Variants in NALCN observed in about 807,000 individuals in gnomAD.
NALCN encodes sodium leak channel, non-selective, also known as sodium leak channel NALCN.
Under a neutral mutation model 225.3 loss-of-function variants are expected in NALCN, and 111 were observed. That is an observed-to-expected ratio of 0.49 (90% CI 0.42 to 0.58). The LOEUF is 0.58. Ranked by LOEUF, NALCN falls within the 20% of genes least tolerant of loss-of-function variation. The probability of loss-of-function intolerance (pLI) is 0.00; values close to 1 mark genes in which losing one functional copy is unlikely to be tolerated. For synonymous variants in NALCN, 764 were observed against 769.0 expected (o/e 0.99, Z 0.11); for missense variants, 1,378 against 2,202.4 (o/e 0.63, Z 7.49).
intron 9 of NALCN, among the ~76,000 whole-genome samples, chr13:101,286,159 G>T: frequency 6.6e-6 from 1 of 152,198 alleles, no homozygotes; most frequent in Non-Finnish European, 1.5e-5. Flanking sequence ...TGAGACAGAA[G>T]CTGGGCTAGC....
chr13:101,397,161 G>A (rs2047333137), intron 2 of NALCN, among the ~76,000 whole-genome samples: 1 of 134,150 alleles, frequency 7.5e-6, no homozygotes, highest in Admixed American at 7.7e-5. Flanking sequence ...CATGTTATAT[G>A]TATGTATATA....
At chr13:101,108,452 G>A (rs561746349) in intron 20 of NALCN, among the ~76,000 whole-genome samples, 41 of 152,214 alleles carry the variant, frequency 2.7e-4, no homozygotes, top group African/African-American at 9.6e-4. Context: ...TTAGTGATCC[G>A]ATTTTTTAAA....
At position 101,258,455 on chromosome 13, in the gene NALCN, G is replaced by T. The variant is rs1421695866; in HGVS notation, c.1254C>A (p.Phe418Leu). 3 of 1,613,968 alleles carry T rather than the reference G, an allele frequency of 1.9e-6. No individual in the cohort carries two copies. The highest frequency in any genetic ancestry group is 2.7e-5 in the African/African-American group (2 of 74,916). The stretch of plus-strand genomic sequence containing the variant: ...GAGAGCTGCTTACCTCCGCCAGGTA[G>T]AACTCGTCGTACTGCCTCCTGAAGT... Reference protein sequence around the residue: ...GENFRRQYDEFYLAEVAFTVL... With the variant: ...GENFRRQYDELYLAEVAFTVL... The change falls in exon 11 of 44, where the codon TTC (phenylalanine) becomes TTA (leucine). Residue 418 changes from phenylalanine (F) to leucine (L), a missense_variant. Phe to Leu is a conservative substitution (Grantham distance 22). This residue lies in a region of NALCN where 144 missense variants were observed against 187.7 expected (regional missense o/e 0.77). Coordinates refer to ENST00000251127, the MANE Select transcript of NALCN (RefSeq NM_052867.4).
intron 10 of NALCN, among the ~76,000 whole-genome samples, chr13:101,264,014 A>G (rs2042518167): frequency 6.6e-6 from 1 of 152,118 alleles, no homozygotes; most frequent in African/African-American, 2.4e-5. Context: ...TCAATTTTTT[A>G]TTTTCTAATA....
At chr13:101,381,840 T>C (rs187680489) in intron 3 of NALCN, among the ~76,000 whole-genome samples, 28 of 150,432 alleles carry the variant, frequency 1.9e-4, no homozygotes, top group Middle Eastern at 3.4e-3. Flanking sequence ...AAATGTTTTT[T>C]ACTTGTGTGT....
intron 10 of NALCN, among the ~76,000 whole-genome samples, chr13:101,278,839 G>C (rs188299230): frequency 5.1e-4 from 77 of 152,294 alleles, no homozygotes; most frequent in African/African-American, 1.8e-3. Context: ...AGAAATAAGT[G>C]TTCTGTATGG....
intron 27 of NALCN, among the ~76,000 whole-genome samples, chr13:101,098,609 T>C (rs1181570824): frequency 6.6e-6 from 1 of 152,166 alleles, no homozygotes; most frequent in Admixed American, 6.6e-5. Context: ...CTGGAAACTA[T>C]GGGCGCAGCA....
At chr13:101,309,248 A>G (rs2044256454) in intron 7 of NALCN, among the ~76,000 whole-genome samples, 1 of 152,198 alleles carries the variant, frequency 6.6e-6, no homozygotes, top group Non-Finnish European at 1.5e-5. Context: ...ACACAATTCA[A>G]CATTACTAAA....
chr13:101,166,284 T>C (rs1264794570), intron 15 of NALCN, among the ~76,000 whole-genome samples: 2 of 152,236 alleles, frequency 1.3e-5, no homozygotes, highest in Non-Finnish European at 1.5e-5. Flanking sequence ...TTTTATCATA[T>C]GATCATGCTA....
At chr13:101,071,889 C>T (rs1207769510) in intron 37 of NALCN, among the ~76,000 whole-genome samples, 1 of 152,116 alleles carries the variant, frequency 6.6e-6, no homozygotes, top group African/African-American at 2.4e-5. Flanking sequence ...CTTCTATTCA[C>T]TTGAACACTT....
chr13:101,073,851 A>G (rs762182593), intron 36 of NALCN, among the ~76,000 whole-genome samples, 174 bp from the exon 37 acceptor site: 6 of 152,202 alleles, frequency 3.9e-5, no homozygotes, highest in African/African-American at 7.2e-5. Flanking sequence ...GCCTCCAAGT[A>G]TAGCCGTCTG....
intron 3 of NALCN, among the ~76,000 whole-genome samples, chr13:101,383,830 A>C (rs768396735): frequency 4.6e-5 from 7 of 152,248 alleles, no homozygotes; most frequent in Non-Finnish European, 1.0e-4. Flanking sequence ...CATGCCATGC[A>C]AATACAGTTA....
Position 101,192,128 on chromosome 13 carries a change from T to C in NALCN, c.1627-74A>G, listed in dbSNP as rs979680. 322,312 of 1,504,644 alleles carry C rather than the reference T, an allele frequency of 0.21. 37,091 individuals are homozygous for C. Among genetic ancestry groups the C allele is most frequent in the African/African-American group, 0.38 (25,884 of 68,960 alleles). 93.2% of individuals were successfully genotyped at this position (1,504,644 alleles called of 1,614,324 possible). A position where few individuals can be genotyped will look rare whatever the true frequency, so the allele number is the denominator to read the frequency against. ...ACAACTTCAAATTAGCATGTGATGT[T>C]TGAAGACTTTGATCTCAATATTATT... On this transcript the variant is annotated intron_variant, in intron 13 of 43. Coordinates refer to ENST00000251127, the MANE Select transcript of NALCN (RefSeq NM_052867.4).
chr13:101,074,764 T>C, intron 35 of NALCN, 102 bp from the exon 36 acceptor site: 2 of 1,353,772 alleles, frequency 1.5e-6, no homozygotes, highest in South Asian at 3.3e-5. Context: ...TATTAAGCTA[T>C]GGAAGACCTG....
At chr13:101,143,466 A>G (rs1432095538) in intron 16 of NALCN, among the ~76,000 whole-genome samples, 2 of 144,434 alleles carry the variant, frequency 1.4e-5, no homozygotes, top group African/African-American at 5.1e-5. Flanking sequence ...TAGTTTTTTG[A>G]ATCTTTTTTT....
chr13:101,073,630 C>T lies in NALCN; in HGVS notation c.4151G>A (p.Arg1384Gln). The change falls in exon 37 of 44, where the codon CGA becomes CAA. Residue 1384 changes from arginine (R) to glutamine (Q), a missense_variant. This residue lies in a region of NALCN where 76 missense variants were observed against 118.7 expected (regional missense o/e 0.64). Transcript: ENST00000251127. ...SAGKAITVLF[R>Q]IVTGEDWNKI... ...GTTCCAGTCTTCACCTGTGACAATT[C>T]GGAACAGTACGGTAATAGCTTTTCC... The T allele has an allele frequency of 1.2e-6, 2 of 1,613,250 alleles. No individual in the cohort carries two copies. The highest frequency in any genetic ancestry group is 1.7e-6 in the Non-Finnish European group (2 of 1,179,724).
chr13:101,164,496 G>A (rs2038346251), intron 15 of NALCN, among the ~76,000 whole-genome samples: 1 of 152,030 alleles, frequency 6.6e-6, no homozygotes, highest in Non-Finnish European at 1.5e-5. Flanking sequence ...TCACTATATT[G>A]CCCAGGTTGG....
intron 18 of NALCN, among the ~76,000 whole-genome samples, chr13:101,122,157 A>T (rs1045122179): frequency 6.6e-6 from 1 of 152,176 alleles, no homozygotes; most frequent in African/African-American, 2.4e-5. Context: ...TGGTGAAAAG[A>T]TAAGTATTCC....
chr13:101,055,447 G>A lies in NALCN; in HGVS notation c.5065C>T (p.Arg1689Trp), dbSNP rs200731653. The change falls in exon 44 of 44, where the codon CGG becomes TGG. Residue 1689 changes from arginine (R) to tryptophan (W), a missense_variant. Arg to Trp is a moderately radical substitution (Grantham distance 101). Coordinates refer to ENST00000251127, the MANE Select transcript of NALCN (RefSeq NM_052867.4). ...ISHSVSSVNL[R>W]FGGRTTMKSV... ...TTCATGGTTGTCCTTCCTCCAAACC[G>A]TAAGTTGACTGAGGACACTGAATGG... 264 of 1,614,062 alleles carry A rather than the reference G, an allele frequency of 1.6e-4. 1 individual carries two copies. Among genetic ancestry groups the A allele is most frequent in the Non-Finnish European group, 1.6e-4 (188 of 1,179,986 alleles).
Sources: gnomAD v4.1 joint callset for allele counts (sites outside exome capture counted in the v4.1 genomes callset) on GRCh38, gnomAD v4.1.1 for gene constraint, gnomAD v4.1.1 regional missense constraint, MANE v1.5 for transcripts, NCBI Gene and HGNC (gene_info 2026-07-23, HGNC 2026-07-21) for gene names.